The following AVEN variants were observed in gnomAD, a reference collection of about 807,000 sequenced individuals.
AVEN encodes apoptosis and caspase activation inhibitor, also known as cell death regulator Aven.
AVEN carries 41 observed loss-of-function variants against 38.1 expected under a neutral mutation model. That is an observed-to-expected ratio of 1.08 (90% CI 0.84 to 1.40). AVEN has a LOEUF of 1.40. Ranked by LOEUF, AVEN falls within the 40% of genes most tolerant of loss-of-function variation. The probability of loss-of-function intolerance (pLI) is 0.00; values close to 1 mark genes in which losing one functional copy is unlikely to be tolerated. For missense variants in AVEN, 605 were observed against 438.8 expected (o/e 1.38, Z -3.38); for synonymous variants, 206 against 171.8 (o/e 1.20, Z -1.56).
chr15:34,025,051 A>C (rs1366568298), intron 1 of AVEN, among the ~76,000 whole-genome samples: 2 of 151,128 alleles, frequency 1.3e-5, no homozygotes, highest in African/African-American at 4.9e-5. Context: ...GGAGCCTGTA[A>C]TCCAGCTACT....
chr15:33,870,513 C>T (rs1451311552), intron 4 of AVEN, among the ~76,000 whole-genome samples: 1 of 152,186 alleles, frequency 6.6e-6, no homozygotes, highest in Non-Finnish European at 1.5e-5. Flanking sequence ...CACTGTACTT[C>T]ACAGGATGTA....
At chr15:34,067,945 G>A (rs774020006) in intron 2 of AVEN, among the ~76,000 whole-genome samples, 2 of 152,038 alleles carry the variant, frequency 1.3e-5, no homozygotes, top group Non-Finnish European at 2.9e-5. Flanking sequence ...CGGAAGAAGG[G>A]AAAAAAGTTT....
intron 2 of AVEN, among the ~76,000 whole-genome samples, chr15:33,975,349 G>T (rs1232855546): frequency 1.3e-5 from 2 of 152,196 alleles, no homozygotes; most frequent in Non-Finnish European, 2.9e-5. Flanking sequence ...TCTAGAGCAA[G>T]AGGGCACAGG....
intron 1 of AVEN, among the ~76,000 whole-genome samples, chr15:34,072,379 G>A (rs942226112): frequency 8.6e-5 from 13 of 151,918 alleles, no homozygotes; most frequent in African/African-American, 2.7e-4. Flanking sequence ...TTGGGAGGCC[G>A]AGGTGGGCAG....
intron 1 of AVEN, among the ~76,000 whole-genome samples, chr15:34,021,150 G>A (rs1316149495): frequency 6.6e-6 from 1 of 151,982 alleles, no homozygotes; most frequent in Non-Finnish European, 1.5e-5. Context: ...CTCATTTGTG[G>A]CCTGGGTGAA....
downstream of AVEN, chr15:33,865,022 A>G (rs1890002718): frequency 2.7e-6 from 2 of 753,384 alleles, no homozygotes; most frequent in Non-Finnish European, 4.5e-6. Context: ...TTGGCCTCAT[A>G]TAAATTCACA....
chr15:33,981,321 T>G (rs957620247), intron 2 of AVEN, among the ~76,000 whole-genome samples: 1 of 152,234 alleles, frequency 6.6e-6, no homozygotes, highest in Admixed American at 6.5e-5. Flanking sequence ...ATTTGCAAGT[T>G]AGCACTCCTG....
intron 2 of AVEN, among the ~76,000 whole-genome samples, chr15:34,001,224 G>A (rs1442907246): frequency 6.6e-6 from 1 of 152,052 alleles, no homozygotes; most frequent in Non-Finnish European, 1.5e-5. Context: ...GTTTCACTAT[G>A]TTGGCCAGGA....
At chr15:33,860,762 A>T (rs1887884725) in intron 11 of AVEN, 20 of 904,072 alleles carry the variant, frequency 2.2e-5, no homozygotes, top group Non-Finnish European at 3.0e-5. Flanking sequence ...GCCAGTACTA[A>T]GCAAGAACGC....
intron 2 of AVEN, among the ~76,000 whole-genome samples, chr15:33,891,640 T>G (rs1025387649): frequency 2.6e-5 from 4 of 152,200 alleles, no homozygotes; most frequent in Non-Finnish European, 5.9e-5. Context: ...TGATGGACAT[T>G]TGGGTTGGTT....
At chr15:33,859,820 A>T (rs1567351673) in intron 11 of AVEN, 2 of 1,325,140 alleles carry the variant, frequency 1.5e-6, no homozygotes, top group Non-Finnish European at 2.1e-6. Flanking sequence ...GTTTATGAAG[A>T]AGCGTGTGAA....
chr15:34,037,914 A>G (rs1465966520), intron 1 of AVEN, among the ~76,000 whole-genome samples: 3 of 152,228 alleles, frequency 2.0e-5, no homozygotes, highest in African/African-American at 7.2e-5. Flanking sequence ...ATAAGAATGC[A>G]GAATATAAAG....
chr15:34,043,943 C>G (rs1899585739), upstream of AVEN, among the ~76,000 whole-genome samples: 1 of 152,118 alleles, frequency 6.6e-6, no homozygotes, highest in Non-Finnish European at 1.5e-5. Flanking sequence ...GCCAAGGCCT[C>G]TATTACTGCA....
intron 2 of AVEN, among the ~76,000 whole-genome samples, chr15:33,932,643 G>A (rs1284898311): frequency 6.6e-6 from 1 of 152,086 alleles, no homozygotes; most frequent in Admixed American, 6.5e-5. Flanking sequence ...TAGCCAACAT[G>A]ATGAAACCCT....
At chr15:33,985,838 A>G (rs890929040) in intron 2 of AVEN, among the ~76,000 whole-genome samples, 2 of 152,146 alleles carry the variant, frequency 1.3e-5, no homozygotes, top group Admixed American at 1.3e-4. Context: ...GGAAATGTTC[A>G]AAAATAGAAG....
chr15:34,001,241 C>T (rs1012244063), intron 2 of AVEN, among the ~76,000 whole-genome samples: 4 of 152,092 alleles, frequency 2.6e-5, no homozygotes, highest in Admixed American at 2.0e-4. Context: ...AGGATGGTCT[C>T]GAACTCCTGA....
rs1053607828 is a variant in AVEN at position 33,945,459 on chromosome 15, A to G, written c.445+57573T>C. 2.6e-5 allele frequency among the ~76,000 whole-genome samples: 4 copies of G among 152,262 alleles called. No homozygotes were observed. In the East Asian group the frequency reaches 7.7e-4, roughly 29 times the overall value. ...TTCTACTCAGAGTTAATTTTTCTCA[A>G]TTCCAAAATTTATAGTACTCCCCTG... On this transcript the variant is annotated intron_variant, in intron 2 of 5. Coordinates refer to ENST00000306730, the MANE Select transcript of AVEN (RefSeq NM_020371.3).
chr15:34,062,751 G>A (rs759462080), intron 5 of AVEN: 29 of 1,613,394 alleles, frequency 1.8e-5, no homozygotes, highest in Middle Eastern at 1.7e-4. Context: ...TGCAACCACC[G>A]TCAATGGCAC....
At chr15:33,890,971 T>C (rs114486537) in intron 2 of AVEN, among the ~76,000 whole-genome samples, 1,530 of 152,106 alleles carry the variant, frequency 0.01, 21 homozygotes, top group African/African-American at 0.035. Context: ...TAGCGGAGCG[T>C]GGTGGTGCAC....
Sources: gnomAD v4.1 joint callset for allele counts (sites outside exome capture counted in the v4.1 genomes callset) on GRCh38, gnomAD v4.1.1 for gene constraint, MANE v1.5 for transcripts, NCBI Gene and HGNC (gene_info 2026-07-23, HGNC 2026-07-21) for gene names.